ASCC1: variants seen among roughly 807,000 people sequenced by gnomAD.
ASCC1 encodes ASC-1 complex subunit P50.
Under a neutral mutation model 46.6 loss-of-function variants are expected in ASCC1, and 35 were observed. The observed-to-expected ratio is 0.75, with a 90% CI of 0.57 to 0.99. ASCC1 has a LOEUF of 0.99. Ranked by LOEUF, ASCC1 falls within the 50% of genes least tolerant of loss-of-function variation. The pLI, the probability that ASCC1 is intolerant of heterozygous loss-of-function variation, is 0.00. For missense variants in ASCC1, 376 were observed against 428.7 expected, an observed-to-expected ratio of 0.88 and a Z score of 1.09; for synonymous variants, 143 against 146.6, an observed-to-expected ratio of 0.98 and a Z score of 0.18.
At chr10:72,213,830 G>A (rs965923444) in intron 1 of ASCC1, among the ~76,000 whole-genome samples, 2 of 149,866 alleles carry the variant, frequency 1.3e-5, no homozygotes, top group African/African-American at 4.9e-5. Flanking sequence ...ACAAGGTCAG[G>A]AGTTCAAGAC....
intron 3 of ASCC1, among the ~76,000 whole-genome samples, chr10:72,208,332 T>C (rs1305275708): frequency 2.0e-5 from 3 of 149,390 alleles, no homozygotes; most frequent in East Asian, 1.9e-4. Context: ...TTTTTTTTTT[T>C]CCAGGAAACT....
At chr10:72,121,409 C>T (rs766103853) in intron 9 of ASCC1, among the ~76,000 whole-genome samples, 22 of 151,146 alleles carry the variant, frequency 1.5e-4, no homozygotes, top group Non-Finnish European at 2.1e-4. Context: ...CCTCCCAAAG[C>T]GCTGGGACTA....
chr10:72,163,857 T>C (rs1213973153), intron 5 of ASCC1, among the ~76,000 whole-genome samples: 1 of 152,066 alleles, frequency 6.6e-6, no homozygotes, highest in Non-Finnish European at 1.5e-5. Flanking sequence ...AATACAGCAG[T>C]ATTTATATTT....
chr10:72,139,872 C>T (rs2132396663), intron 7 of ASCC1, among the ~76,000 whole-genome samples: 1 of 152,080 alleles, frequency 6.6e-6, no homozygotes, highest in South Asian at 2.1e-4. Flanking sequence ...CAAAGATGGT[C>T]CTTGTTATTA....
At position 72,210,771 on chromosome 10, in the gene ASCC1, C is replaced by G. The variant is rs1307516685; in HGVS notation, c.173G>C (p.Gly58Ala). ...GGGGGCCCTCAAAGTAGACCGGAAT[C>G]CTTGTGGGGTCTGCTCCACCTCGTA... ...DAYEVEQTPQ[G>A]FRSTLRAPSL... Residue 58 changes from glycine (G) to alanine (A), a missense_variant, in exon 3 of 10, where the codon GGA becomes GCA. Physicochemically the swap from Gly to Ala is moderately conservative, Grantham distance 60. Coordinates refer to ENST00000672957, the MANE Select transcript of ASCC1 (RefSeq NM_001198800.3). 6.2e-7 allele frequency: 1 copy of G among 1,614,118 alleles called. No individual in the cohort carries two copies. The highest frequency in any genetic ancestry group is 1.7e-5 in the Admixed American group (1 of 59,992).
Position 72,096,978 on chromosome 10 carries a change from C to T in ASCC1, c.*356G>A, listed in dbSNP as rs185954354. On this transcript the variant is annotated 3_prime_UTR_variant, in exon 10 of 10. Transcript: ENST00000672957. Reference sequence around the variant, plus strand: ...CTGAGAAGCCTATGGAGATGGACGGCGGTGACGGCCACACAGCATTATGAA... The same window carrying T: ...CTGAGAAGCCTATGGAGATGGACGGTGGTGACGGCCACACAGCATTATGAA... 4.0e-5 allele frequency: 18 copies of T among 454,834 alleles called. 1 individual carries two copies. The highest frequency in any genetic ancestry group is 7.8e-5 in the South Asian group (5 of 64,488). The allele number at this position is 454,834 out of a possible 1,614,324, so 28.2% of individuals were successfully genotyped here.
chr10:72,202,973 G>A (rs1431496096), intron 4 of ASCC1, among the ~76,000 whole-genome samples: 2 of 152,100 alleles, frequency 1.3e-5, no homozygotes, highest in South Asian at 2.1e-4. Flanking sequence ...TTGGGAGACT[G>A]GTACTGATAA....
At chr10:72,190,268 T>G in intron 5 of ASCC1, 1 of 781,180 alleles carries the variant, frequency 1.3e-6, no homozygotes. Context: ...TGGATGTCAC[T>G]GTGGAGTTCT....
chr10:72,207,868 T>C (rs924618394), intron 3 of ASCC1, among the ~76,000 whole-genome samples: 16 of 152,112 alleles, frequency 1.1e-4, no homozygotes, highest in African/African-American at 2.9e-4. Flanking sequence ...TGGAATTACA[T>C]TGGCACAATC....
intron 5 of ASCC1, among the ~76,000 whole-genome samples, chr10:72,164,815 G>A (rs1477093714): frequency 2.0e-5 from 3 of 152,140 alleles, no homozygotes; most frequent in African/African-American, 7.2e-5. Context: ...AAATGATAGC[G>A]ATCCTTGTGG....
intron 9 of ASCC1, among the ~76,000 whole-genome samples, chr10:72,124,302 G>A (rs912943764): frequency 6.6e-6 from 1 of 152,114 alleles, no homozygotes; most frequent in African/African-American, 2.4e-5. Context: ...ATATTTTCCA[G>A]GATTTCTAAG....
chr10:72,205,602 C>G (rs1010677273), intron 3 of ASCC1, among the ~76,000 whole-genome samples: 6 of 149,010 alleles, frequency 4.0e-5, no homozygotes, highest in Non-Finnish European at 5.9e-5. Context: ...TGCACTCCAG[C>G]CTGGGTGACA....
At chr10:72,131,439 T>TACACACACACACACACACACAC (rs71927487) in intron 8 of ASCC1, among the ~76,000 whole-genome samples, 31 of 139,420 alleles carry the variant, frequency 2.2e-4, no homozygotes, top group African/African-American at 6.9e-4. Flanking sequence ...AAAATAAAAA[T>TACACACACACACACACACACAC]ACACACACAC....
chr10:72,209,474 C>T (rs1478162021), intron 3 of ASCC1, among the ~76,000 whole-genome samples: 1 of 152,066 alleles, frequency 6.6e-6, no homozygotes, highest in African/African-American at 2.4e-5. Context: ...GTGCGACACC[C>T]TGTCTCAAAA....
intron 7 of ASCC1, among the ~76,000 whole-genome samples, chr10:72,148,267 T>C (rs1159303219): frequency 6.6e-6 from 1 of 152,006 alleles, no homozygotes; most frequent in Admixed American, 6.6e-5. Flanking sequence ...GTGTTCCTTT[T>C]GGAAAAAGAA....
chr10:72,213,153 A>T, intron 2 of ASCC1, 34 bp downstream of exon 2: 1 of 1,431,904 alleles, frequency 7.0e-7, no homozygotes, highest in Non-Finnish European at 9.8e-7. Context: ...AGGACATTTT[A>T]CTTCTTATCT....
chr10:72,185,573 C>T (rs1485096709), intron 5 of ASCC1, among the ~76,000 whole-genome samples: 2 of 152,034 alleles, frequency 1.3e-5, no homozygotes, highest in African/African-American at 4.8e-5. Context: ...CATATAATTC[C>T]ATTCATTTAA....
intron 5 of ASCC1, among the ~76,000 whole-genome samples, chr10:72,183,386 T>C (rs924133043): frequency 1.3e-5 from 2 of 152,130 alleles, no homozygotes; most frequent in Non-Finnish European, 2.9e-5. Flanking sequence ...CCAGGTATAG[T>C]GGTTCACACC....
chr10:72,185,662 A>G (rs1360756534), intron 5 of ASCC1, among the ~76,000 whole-genome samples: 1 of 152,194 alleles, frequency 6.6e-6, no homozygotes, highest in African/African-American at 2.4e-5. Context: ...AGGTGAGGGG[A>G]TGGAGTGGGG....
Sources: gnomAD v4.1 joint callset for allele counts (sites outside exome capture counted in the v4.1 genomes callset) on GRCh38, gnomAD v4.1.1 for gene constraint, MANE v1.5 for transcripts, NCBI Gene and HGNC (gene_info 2026-07-23, HGNC 2026-07-21) for gene names.